The following SF3B3 variants were observed in gnomAD, a reference collection of about 807,000 sequenced individuals.
SF3B3 encodes the protein splicing factor 3b subunit 3.
SF3B3 carries 33 observed loss-of-function variants against 139.2 expected under a neutral mutation model. That is an observed-to-expected ratio of 0.24 (90% CI 0.18 to 0.32). SF3B3 has a LOEUF of 0.32. Among genes scored for constraint, SF3B3 ranks in the 10% least tolerant of loss-of-function variants. The pLI is 1.00. For synonymous variants in SF3B3, 596 were observed against 563.6 expected, an observed-to-expected ratio of 1.06 and a Z score of -0.81; for missense variants, 818 against 1,509.4, an observed-to-expected ratio of 0.54 and a Z score of 7.59.
intron 11 of SF3B3, 116 bp downstream of exon 11, chr16:70,548,558 A>C (rs2050290802): frequency 1.1e-6 from 1 of 882,274 alleles, no homozygotes; most frequent in African/African-American, 1.6e-5. Context: ...CATATACCAG[A>C]AACTTTCTGG....
intron 17 of SF3B3, among the ~76,000 whole-genome samples, chr16:70,563,326 G>A (rs1349565768): frequency 2.6e-5 from 4 of 152,120 alleles, no homozygotes; most frequent in African/African-American, 7.2e-5. Flanking sequence ...ATTAGAGATC[G>A]GGTAACTATA....
Position 70,565,661 on chromosome 16 carries a change from G to A in SF3B3, c.2826+137G>A, listed in dbSNP as rs950754829. ...CTCTTACCAGCACATGGAAAATGCT[G>A]GGGCCTTCTAGCTGCAGTGATGTTC... On this transcript the variant is annotated intron_variant, in intron 20 of 25. Transcript: ENST00000302516. 5.2e-6 allele frequency: 4 copies of A among 775,112 alleles called. No homozygotes were observed. In the African/African-American group the frequency reaches 5.3e-5, roughly 10 times the overall value. 48.0% of individuals were successfully genotyped at this position (775,112 alleles called of 1,614,324 possible).
chr16:70,568,198 G>C, intron 21 of SF3B3, 85 bp from the exon 22 acceptor site: 3 of 1,019,070 alleles, frequency 2.9e-6, no homozygotes. Context: ...CTGACCCTAC[G>C]TATGTCATAC....
Position 70,526,706 on chromosome 16 carries a change from C to T in SF3B3, c.50C>T (p.Ala17Val). 6.2e-7 allele frequency: 1 copy of T among 1,613,738 alleles called. No individual in the cohort carries two copies. The highest frequency in any genetic ancestry group is 8.5e-7 in the Non-Finnish European group (1 of 1,179,686). The change falls in exon 2 of 26, where the codon GCC (alanine) becomes GTC (valine). Residue 17 changes from alanine (A) to valine (V), a missense_variant. Ala to Val is a moderately conservative substitution (Grantham distance 64). Around this residue, in one of 14 missense-constraint regions of SF3B3, gnomAD observed 144 missense variants for 259.2 expected, o/e 0.56. Coordinates refer to ENST00000302516, the MANE Select transcript of SF3B3 (RefSeq NM_012426.5). ...CAGAGAGCCACTGGCATCAGCTTTG[C>T]CATTCATGGAAACTTTTCTGGTAAG... Reference protein sequence around the residue: ...TLQRATGISFAIHGNFSGTKQ... With the variant: ...TLQRATGISFVIHGNFSGTKQ...
intron 3 of SF3B3, among the ~76,000 whole-genome samples, chr16:70,529,776 T>G (rs1357378739): frequency 1.3e-5 from 2 of 152,250 alleles, no homozygotes; most frequent in East Asian, 1.9e-4. Context: ...TAAAAAAATT[T>G]ATTTATTTAT....
intron 11 of SF3B3, 100 bp downstream of exon 11, chr16:70,548,542 T>A: frequency 9.7e-7 from 1 of 1,031,330 alleles, no homozygotes; most frequent in Non-Finnish European, 1.5e-6. Context: ...TCATTTCATT[T>A]AGCACCATAT....
At chr16:70,564,974 A>T in intron 18 of SF3B3, 91 bp from the exon 19 acceptor site, 1 of 1,176,202 alleles carries the variant, frequency 8.5e-7, no homozygotes, top group Non-Finnish European at 1.3e-6. Context: ...TGTATTGAGA[A>T]CCCCCTGGAG....
rs1240638434 is a variant in SF3B3, at chr16:70,576,501, G to A, written c.*4688G>A. 6.6e-6 allele frequency: 1 copy of A among 152,164 alleles called. No homozygotes were observed. The highest frequency in any genetic ancestry group is 1.5e-5 in the Non-Finnish European group (1 of 68,040). 9.4% of individuals were successfully genotyped at this position (152,164 alleles called of 1,614,324 possible). On this transcript the variant is annotated 3_prime_UTR_variant, in exon 26 of 26. Transcript: ENST00000302516. ...GCTTTCAGTTGGGTCATTTGGTAGC[G>A]TTTAGGCTTAGAAGTTACTAATTTG...
Position 70,561,689 on chromosome 16 carries a change from C to T in SF3B3, c.2193C>T (p.Leu731=). 1 of 1,613,928 alleles carries T rather than the reference C, an allele frequency of 6.2e-7. No individual in the cohort carries two copies. The part of the protein sequence containing the change: ...LSYSYQSRFH[L]TPLSYETLEF... ...ATTCTTACCAATCTCGCTTCCATCT[C>T]ACCCCACTGTCTTACGAGACACTGG... Residue 731 remains leucine, a synonymous_variant, in exon 17 of 26, where the codon CTC becomes CTT. Transcript: ENST00000302516.
Position 70,532,049 on chromosome 16 carries a change from T to C in SF3B3, c.571-430T>C, listed in dbSNP as rs566090756. 1.8e-4 allele frequency among the ~76,000 whole-genome samples: 27 copies of C among 152,188 alleles called. No individual in the cohort carries two copies. In the South Asian group the frequency reaches 5.6e-3, roughly 32 times the overall value. On this transcript the variant is annotated intron_variant, in intron 4 of 25. Transcript: ENST00000302516. ...AGTGGCTCACGCCTGTAATCCAAGT[T>C]TGGGAGGCCGAGGCGGGCAGATCAC... is the stretch of plus-strand genomic sequence containing the variant.
At chr16:70,539,038 T>G (rs1376484115) in intron 7 of SF3B3, 66 bp from the exon 8 acceptor site, 5 of 1,121,578 alleles carry the variant, frequency 4.5e-6, no homozygotes, top group Non-Finnish European at 5.5e-6. Context: ...ACTCAGCCTG[T>G]GCTGTCTTAT....
At chr16:70,547,083 A>G (rs1217014370) in intron 10 of SF3B3, among the ~76,000 whole-genome samples, 1 of 152,254 alleles carries the variant, frequency 6.6e-6, no homozygotes, top group African/African-American at 2.4e-5. Flanking sequence ...CTTTATGTCT[A>G]TTTGTTACAC....
intron 1 of SF3B3, among the ~76,000 whole-genome samples, chr16:70,526,125 CTT>C (rs1456369158): frequency 6.6e-6 from 1 of 152,028 alleles, no homozygotes; most frequent in Non-Finnish European, 1.5e-5. Context: ...ATAATTCTCT[CTT>C]CTCGTTTAAC....
chr16:70,525,573 C>T (rs769325118), intron 1 of SF3B3, among the ~76,000 whole-genome samples: 13 of 152,168 alleles, frequency 8.5e-5, no homozygotes, highest in Non-Finnish European at 1.3e-4. Context: ...CTCCTAGCTT[C>T]CTCTCTTTTG....
intron 10 of SF3B3, 117 bp downstream of exon 10, chr16:70,544,650 G>C (rs2050251247): frequency 1.5e-6 from 1 of 659,870 alleles, no homozygotes; most frequent in African/African-American, 1.8e-5. Flanking sequence ...GAAAAAGTAT[G>C]TTCTTTCTCC....
chr16:70,572,246 A>C lies in SF3B3; in HGVS notation c.*433A>C. ...TGGGTAGGGTATAGTATCACTCCTG[A>C]GTTCCACTGCTCTAGAATCTAACCA... is the stretch of plus-strand genomic sequence containing the variant. On this transcript the variant is annotated 3_prime_UTR_variant, in exon 26 of 26. Coordinates refer to ENST00000302516, the MANE Select transcript of SF3B3 (RefSeq NM_012426.5). 5.2e-6 allele frequency: 2 copies of C among 387,848 alleles called. No homozygotes were observed. The highest frequency in any genetic ancestry group is 1.0e-5 in the Non-Finnish European group (2 of 196,966). 24.0% of individuals were successfully genotyped at this position (387,848 alleles called of 1,614,324 possible).
chr16:70,525,165 G>A (rs12934021), intron 1 of SF3B3: 3,206 of 151,928 alleles, frequency 0.021, 56 homozygotes, highest in Middle Eastern at 0.035. Flanking sequence ...GAGTAGCTGA[G>A]ATTAAAGGCG....
chr16:70,556,545 G>A (rs573264627), intron 14 of SF3B3: 2 of 627,094 alleles, frequency 3.2e-6, no homozygotes, highest in Non-Finnish European at 5.5e-6. Flanking sequence ...CTACAGAAAT[G>A]TTTCTTTGGC....
Position 70,568,268 on chromosome 16 carries a change from C to G in SF3B3, c.2953-15C>G, listed in dbSNP as rs541743546. Reference sequence around the variant, plus strand: ...AGATTACACCCACCATCACTATTGTCTTTGTTTTTCCCAGCATATTGCCAA... The same window carrying G: ...AGATTACACCCACCATCACTATTGTGTTTGTTTTTCCCAGCATATTGCCAA... On this transcript the variant is annotated splice_polypyrimidine_tract_variant and intron_variant, in intron 21 of 25. Coordinates refer to ENST00000302516, the MANE Select transcript of SF3B3 (RefSeq NM_012426.5). 4 of 1,590,122 alleles carry G rather than the reference C, an allele frequency of 2.5e-6. No homozygotes were observed. Among genetic ancestry groups the G allele is most frequent in the Non-Finnish European group, 3.5e-6 (4 of 1,158,586 alleles).
Sources: gnomAD v4.1 joint callset for allele counts (sites outside exome capture counted in the v4.1 genomes callset) on GRCh38, gnomAD v4.1.1 for gene constraint, gnomAD v4.1.1 regional missense constraint, MANE v1.5 for transcripts, NCBI Gene and HGNC (gene_info 2026-07-23, HGNC 2026-07-21) for gene names.